Variants in DHX9 observed in about 807,000 individuals in gnomAD.
DHX9 encodes DExH-box helicase 9.
A neutral mutation model predicts 148.7 loss-of-function variants in DHX9; 27 were observed. That is an observed-to-expected ratio of 0.18 (90% CI 0.13 to 0.25). The LOEUF (loss-of-function observed/expected upper bound fraction) is 0.25, where lower values mean the gene tolerates loss of function less well. DHX9 is among the 10% of genes least tolerant of loss of function. The probability of loss-of-function intolerance (pLI) is 1.00; values close to 1 mark genes in which losing one functional copy is unlikely to be tolerated. For synonymous variants in DHX9, 529 were observed against 516.6 expected (o/e 1.02, Z -0.33); for missense variants, 796 against 1,559.6 (o/e 0.51, Z 8.25).
rs1648750747 is a variant in DHX9 at position 182,876,076 on chromosome 1, T to C, written c.1842T>C (p.Asp614=). ...DDANCNLICG[D]EYGPETRLSM... is the part of the protein sequence containing the mutation. Reference sequence around the variant, plus strand: ...CAAATTGCAACTTGATCTGTGGTGATGAATATGGTCCAGAAACAAGGTTGA... The same window carrying C: ...CAAATTGCAACTTGATCTGTGGTGACGAATATGGTCCAGAAACAAGGTTGA... The change falls in exon 17 of 28, where the codon GAT becomes GAC. Residue 614 remains aspartate (D), a synonymous_variant. Transcript: ENST00000367549. 4.3e-6 allele frequency: 7 copies of C among 1,613,748 alleles called. No individual in the cohort carries two copies. Among genetic ancestry groups the C allele is most frequent in the Non-Finnish European group, 5.9e-6 (7 of 1,179,836 alleles).
At chr1:182,867,834 C>CA (rs1172102477) in intron 14 of DHX9, among the ~76,000 whole-genome samples, 4 of 151,996 alleles carry the variant, frequency 2.6e-5, no homozygotes, top group African/African-American at 7.3e-5. Flanking sequence ...TGGTCCTTGA[C>CA]AAAAAAACTG....
chr1:182,864,551 C>G (rs757794568), intron 12 of DHX9, among the ~76,000 whole-genome samples: 1 of 152,166 alleles, frequency 6.6e-6, no homozygotes, highest in African/African-American at 2.4e-5. Flanking sequence ...TGACAGATTT[C>G]TAGTCAAATC....
intron 12 of DHX9, among the ~76,000 whole-genome samples, chr1:182,861,432 C>G (rs16859753): frequency 0.018 from 2,694 of 152,286 alleles, 52 homozygotes; most frequent in South Asian, 0.057. Context: ...TTAATTCTTA[C>G]CTCATCTTTC....
At chr1:182,859,235 T>C in intron 11 of DHX9, 118 bp downstream of exon 11, 1 of 796,360 alleles carries the variant, frequency 1.3e-6, no homozygotes, top group Non-Finnish European at 2.0e-6. Context: ...AAAAGATATG[T>C]ACCAAACTGC....
intron 3 of DHX9, among the ~76,000 whole-genome samples, chr1:182,845,442 A>C (rs993299348): frequency 2.0e-5 from 3 of 151,860 alleles, no homozygotes; most frequent in African/African-American, 4.8e-5. Flanking sequence ...AAAAAAAAAA[A>C]CAATTTTCCT....
intron 20 of DHX9, among the ~76,000 whole-genome samples, 157 bp from the exon 21 acceptor site, chr1:182,879,093 A>G (rs1346098398): frequency 6.6e-6 from 1 of 152,252 alleles, no homozygotes; most frequent in Non-Finnish European, 1.5e-5. Flanking sequence ...TTTTGTCAAC[A>G]GTGTGTATAG....
intron 12 of DHX9, among the ~76,000 whole-genome samples, chr1:182,862,552 T>A (rs1668381299): frequency 6.6e-6 from 1 of 152,202 alleles, no homozygotes; most frequent in East Asian, 1.9e-4. Context: ...ATAAGAACGG[T>A]TCTTTGTATA....
rs376559688 is a variant in DHX9 at position 182,866,929 on chromosome 1, T to C, written c.1475-32T>C. The stretch of plus-strand genomic sequence containing the variant: ...CCATAGATTTACTACTTTGAACTTT[T>C]CTATAGTTTATTGATTGTTTTTCTT... On this transcript the variant is annotated intron_variant, in intron 13 of 27. Coordinates refer to ENST00000367549, the MANE Select transcript of DHX9 (RefSeq NM_001357.5). 3.2e-5 allele frequency: 50 copies of C among 1,561,872 alleles called. No individual in the cohort carries two copies. In the African/African-American group the frequency reaches 6.2e-4, roughly 19 times the overall value.
intron 12 of DHX9, among the ~76,000 whole-genome samples, chr1:182,863,167 ATTG>A (rs1484695409): frequency 6.6e-6 from 1 of 152,158 alleles, no homozygotes; most frequent in South Asian, 2.1e-4. Flanking sequence ...TTTGTCGGTT[ATTG>A]TTTTATTTTT....
chr1:182,865,862 T>C (rs1648272245), intron 12 of DHX9, among the ~76,000 whole-genome samples: 1 of 152,238 alleles, frequency 6.6e-6, no homozygotes, highest in South Asian at 2.1e-4. Flanking sequence ...ATCCAACACT[T>C]AAACATTAAT....
At chr1:182,866,924 A>G in intron 13 of DHX9, 37 bp from the exon 14 acceptor site, 1 of 1,525,796 alleles carries the variant, frequency 6.6e-7, no homozygotes, top group Non-Finnish European at 8.9e-7. Flanking sequence ...ACTACTTTGA[A>G]CTTTTCTATA....
chr1:182,840,577 C>T (rs1451115087), intron 1 of DHX9, among the ~76,000 whole-genome samples: 3 of 152,128 alleles, frequency 2.0e-5, no homozygotes, highest in Non-Finnish European at 4.4e-5. Context: ...GGATTACAGG[C>T]GTGAGCCTCC....
At chr1:182,841,760 C>CAGTT (rs1303321824) in intron 1 of DHX9, among the ~76,000 whole-genome samples, 1 of 152,212 alleles carries the variant, frequency 6.6e-6, no homozygotes, top group Non-Finnish European at 1.5e-5. Context: ...ATCTTGCTTA[C>CAGTT]AGTTTAGACT....
chr1:182,847,231 T>C (rs1362271943), intron 3 of DHX9, among the ~76,000 whole-genome samples: 2 of 152,220 alleles, frequency 1.3e-5, no homozygotes, highest in African/African-American at 4.8e-5. Context: ...TCTTGATAGG[T>C]ATATTTTCTT....
chr1:182,850,018 C>T (rs1447388453), intron 3 of DHX9, among the ~76,000 whole-genome samples: 2 of 131,428 alleles, frequency 1.5e-5, no homozygotes, highest in Admixed American at 1.6e-4. Context: ...CATCAGCGTT[C>T]AGCTTTATTG....
intron 15 of DHX9, among the ~76,000 whole-genome samples, chr1:182,873,160 T>G (rs1294844046): frequency 2.0e-5 from 3 of 152,138 alleles, no homozygotes; most frequent in Non-Finnish European, 2.9e-5. Flanking sequence ...CTCACCCTGT[T>G]GCCCAAGCTG....
chr1:182,858,615 A>G lies in DHX9; in HGVS notation c.875A>G (p.Glu292Gly). 2 of 1,610,496 alleles carry G rather than the reference A, an allele frequency of 1.2e-6. No homozygotes were observed. The highest frequency in any genetic ancestry group is 1.7e-6 in the Non-Finnish European group (2 of 1,177,190). ...CATCAGCTGCAAAACATCATTCAAG[A>G]GCTAAATCTTGAGATTTTGCCCCCG... is the stretch of plus-strand genomic sequence containing the variant. ...LEHQLQNIIQ[E>G]LNLEILPPPE... is the part of the protein sequence containing the mutation. Residue 292 changes from glutamate to glycine, a missense_variant, in exon 9 of 28, where the codon GAG (glutamate) becomes GGG (glycine). Coordinates refer to ENST00000367549, the MANE Select transcript of DHX9 (RefSeq NM_001357.5).
chr1:182,852,334 T>C lies in DHX9; in HGVS notation c.354T>C (p.Ala118=). 6.2e-7 allele frequency: 1 copy of C among 1,610,288 alleles called. No individual in the cohort carries two copies. The highest frequency in any genetic ancestry group is 8.5e-7 in the Non-Finnish European group (1 of 1,178,176). The change falls in exon 4 of 28, where the codon GCT becomes GCC. Residue 118 remains alanine, a synonymous_variant. Coordinates refer to ENST00000367549, the MANE Select transcript of DHX9 (RefSeq NM_001357.5). ...GAGGACCTCTTCCTCCACATCTGGC[T>C]CTCAAAGCAGGTAAGGGACTTGAAT... ...TMGGPLPPHL[A]LKAENNSEVG... is the part of the protein sequence containing the mutation.
chr1:182,846,862 A>G lies in DHX9; in HGVS notation c.252+3428A>G, dbSNP rs533751487. Reference sequence around the variant, plus strand: ...TTCCTCTTGGTGTTTATATTTATAAAGACTTGATATCCCACAGGTCCCTGA... The same window carrying G: ...TTCCTCTTGGTGTTTATATTTATAAGGACTTGATATCCCACAGGTCCCTGA... On this transcript the variant is annotated intron_variant, in intron 3 of 27. Transcript: ENST00000367549. 2.0e-5 allele frequency among the ~76,000 whole-genome samples: 3 copies of G among 151,446 alleles called. No homozygotes were observed. The East Asian group carries it at 5.8e-4, about 29-fold the overall frequency.
Sources: gnomAD v4.1 joint callset for allele counts (sites outside exome capture counted in the v4.1 genomes callset) on GRCh38, gnomAD v4.1.1 for gene constraint, MANE v1.5 for transcripts, NCBI Gene and HGNC (gene_info 2026-07-23, HGNC 2026-07-21) for gene names.